The following CLVS1 variants were observed in gnomAD, a reference collection of about 807,000 sequenced individuals.
CLVS1 encodes clavesin 1, also known as clavesin-1.
A neutral mutation model predicts 33.1 loss-of-function variants in CLVS1; 10 were observed. The ratio of observed to expected loss-of-function variants is 0.30; its 90% CI spans 0.19 to 0.51. The LOEUF (loss-of-function observed/expected upper bound fraction) is 0.51, where lower values mean the gene tolerates loss of function less well. Ranked by LOEUF, CLVS1 falls within the 20% of genes least tolerant of loss-of-function variation. The probability of loss-of-function intolerance (pLI) is 0.97; values close to 1 mark genes in which losing one functional copy is unlikely to be tolerated. For synonymous variants in CLVS1, 163 were observed against 166.1 expected (o/e 0.98, Z 0.14); for missense variants, 343 against 433.4 (o/e 0.79, Z 1.85).
chr8:61,450,182 T>G (rs1246142724), intron 3 of CLVS1, among the ~76,000 whole-genome samples: 1 of 152,006 alleles, frequency 6.6e-6, no homozygotes, highest in African/African-American at 2.4e-5. Flanking sequence ...TTAAATGGAG[T>G]CTAAAAATTG....
chr8:61,043,663 G>T, the CLVS1 span, among the ~76,000 whole-genome samples: 5 of 152,312 alleles, frequency 3.3e-5, no homozygotes, highest in South Asian at 1.0e-3. Context: ...TAATGATCTA[G>T]TCCCAGGTAT....
intron 1 of CLVS1, among the ~76,000 whole-genome samples, chr8:61,094,511 G>A (rs181684096): frequency 6.6e-6 from 1 of 152,236 alleles, no homozygotes; most frequent in East Asian, 1.9e-4. Context: ...TGGCTCATGA[G>A]GTTGGGTAAC....
At chr8:61,030,639 G>A in the CLVS1 span, among the ~76,000 whole-genome samples, 1 of 152,340 alleles carries the variant, frequency 6.6e-6, no homozygotes, top group Non-Finnish European at 1.5e-5. Context: ...TTTGTGCCGA[G>A]AAGGTGGCTG....
chr8:61,031,429 G>T, the CLVS1 span, among the ~76,000 whole-genome samples: 1 of 152,142 alleles, frequency 6.6e-6, no homozygotes, highest in East Asian at 1.9e-4. Flanking sequence ...CCCACCTCCA[G>T]CTCTGTCTGT....
intron 2 of CLVS1, among the ~76,000 whole-genome samples, chr8:61,320,615 G>A (rs1233549865): frequency 6.6e-6 from 1 of 152,278 alleles, no homozygotes; most frequent in South Asian, 2.1e-4. Context: ...CAAGATCAAG[G>A]TACTAACAGA....
intron 1 of CLVS1, among the ~76,000 whole-genome samples, chr8:61,085,743 A>AG (rs1036426815): frequency 3.3e-5 from 5 of 149,876 alleles, no homozygotes; most frequent in African/African-American, 1.2e-4. Flanking sequence ...AAAAAAAAAA[A>AG]GGGCACAGTG....
At chr8:61,385,562 G>T (rs1373622973) in intron 3 of CLVS1, among the ~76,000 whole-genome samples, 3 of 152,196 alleles carry the variant, frequency 2.0e-5, no homozygotes, top group Non-Finnish European at 2.9e-5. Context: ...TGAAAAAAAA[G>T]AGGAGAGGAG....
chr8:61,048,255 T>G, the CLVS1 span, among the ~76,000 whole-genome samples: 29,715 of 152,094 alleles, frequency 0.2, 3,949 homozygotes, highest in African/African-American at 0.38. Context: ...AGGGAATCTA[T>G]AATGTGTGGC....
chr8:61,217,490 T>C (rs1379873855), intron 2 of CLVS1, among the ~76,000 whole-genome samples: 3 of 152,168 alleles, frequency 2.0e-5, no homozygotes, highest in Non-Finnish European at 1.5e-5. Flanking sequence ...CTTTAGAATA[T>C]TGAATATATT....
intron 5 of CLVS1, among the ~76,000 whole-genome samples, chr8:61,470,470 T>C (rs1347810809): frequency 6.6e-6 from 1 of 152,266 alleles, no homozygotes; most frequent in East Asian, 1.9e-4. Flanking sequence ...TGTTATGTTC[T>C]GAAAAACATG....
At position 61,357,489 on chromosome 8, in the gene CLVS1, C is replaced by CTTTTTTTTTTTTTTTTTTTTTTTTTTT. The variant is rs1462908906; in HGVS notation, c.456-19112_456-19111insTTTTTTTTTTTTTTTTTTTTTTTTTTT. On this transcript the variant is annotated intron_variant, in intron 2 of 5. Coordinates refer to ENST00000325897, the MANE Select transcript of CLVS1 (RefSeq NM_173519.3). ...TTTTCCTTCTTTTTCTTTCCTTTTTCTTTTCTTTTTTTTTTTTTTTTTTTT... is the reference window on the plus strand; with the variant it reads ...TTTTCCTTCTTTTTCTTTCCTTTTTCTTTTTTTTTTTTTTTTTTTTTTTTTTTTTTTCTTTTTTTTTTTTTTTTTTTT... Among the ~76,000 whole-genome samples, 3 of 30,264 alleles carry CTTTTTTTTTTTTTTTTTTTTTTTTTTT rather than the reference C, an allele frequency of 9.9e-5. No homozygotes were observed. In the East Asian group the frequency reaches 2.9e-3, roughly 29 times the overall value. 19.9% of individuals were successfully genotyped at this position (30,264 alleles called of 152,430 possible). A position where few individuals can be genotyped will look rare whatever the true frequency, so the allele number is the denominator to read the frequency against.
At chr8:61,309,888 G>GTT (rs745384623) in intron 2 of CLVS1, among the ~76,000 whole-genome samples, 57 of 152,204 alleles carry the variant, frequency 3.7e-4, no homozygotes, top group Non-Finnish European at 5.9e-4. Context: ...ACTGATTGAG[G>GTT]TTTGCCTTTG....
At chr8:61,122,009 A>G (rs575703571) in intron 1 of CLVS1, among the ~76,000 whole-genome samples, 1 of 152,358 alleles carries the variant, frequency 6.6e-6, no homozygotes, top group African/African-American at 2.4e-5. Flanking sequence ...GCGCATTACA[A>G]TACCTGTAGA....
At chr8:61,267,658 C>A (rs911815818) in intron 2 of CLVS1, among the ~76,000 whole-genome samples, 1 of 152,202 alleles carries the variant, frequency 6.6e-6, no homozygotes, top group African/African-American at 2.4e-5. Context: ...AGATTTTCCT[C>A]TTCTTGTGAC....
chr8:61,422,878 A>G (rs1335687056), intron 3 of CLVS1, among the ~76,000 whole-genome samples: 3 of 152,300 alleles, frequency 2.0e-5, no homozygotes, highest in East Asian at 1.9e-4. Flanking sequence ...TACCCTCTTG[A>G]GTTAGTGAAA....
Position 61,457,320 on chromosome 8 carries a change from C to T in CLVS1, c.742-987C>T, listed in dbSNP as rs1817204605. ...CTGATGATCCTATACTTGGGTGCAC[C>T]TTATGTGTTACACATAATTACTTTA... On this transcript the variant is annotated intron_variant, in intron 4 of 5. Transcript: ENST00000325897. Among the ~76,000 whole-genome samples, 3 of 152,020 alleles carry T rather than the reference C, an allele frequency of 2.0e-5. No individual in the cohort carries two copies. In the South Asian group the frequency reaches 6.2e-4, roughly 31 times the overall value.
chr8:61,101,560 C>G (rs957995049), intron 1 of CLVS1, among the ~76,000 whole-genome samples: 4 of 152,072 alleles, frequency 2.6e-5, no homozygotes, highest in Non-Finnish European at 5.9e-5. Context: ...TTATCCCATT[C>G]TGTGGGTTGT....
At chr8:61,126,957 T>A (rs1431713452) in intron 1 of CLVS1, among the ~76,000 whole-genome samples, 1 of 152,212 alleles carries the variant, frequency 6.6e-6, no homozygotes, top group African/African-American at 2.4e-5. Context: ...TTTCTGTGTT[T>A]CTGATGTTCC....
rs938604522 is a variant in CLVS1 at position 61,164,593 on chromosome 8, TC to T, written c.-152+32740del. Among the ~76,000 whole-genome samples the T allele has an allele frequency of 4.6e-5, 7 of 151,340 alleles. 1 individual carries two copies. The highest frequency in any genetic ancestry group is 6.6e-5 in the Admixed American group (1 of 15,194). On this transcript the variant is annotated intron_variant, in intron 2 of 2. Transcript: ENST00000522621. Reference sequence around the variant, plus strand: ...TAAAAGGCTAGAGTGGGAGGGCAAGTCCCCCCCGCCCAGGCTACATGAATGA... The same window carrying T: ...TAAAAGGCTAGAGTGGGAGGGCAAGTCCCCCCGCCCAGGCTACATGAATGA...
Sources: gnomAD v4.1 joint callset for allele counts (sites outside exome capture counted in the v4.1 genomes callset) on GRCh38, gnomAD v4.1.1 for gene constraint, MANE v1.5 for transcripts, NCBI Gene and HGNC (gene_info 2026-07-23, HGNC 2026-07-21) for gene names.